ADARB2: variants seen among roughly 807,000 people sequenced by gnomAD.
The protein encoded by ADARB2 is inactive double-stranded RNA-specific editase B2.
In ADARB2, 25 loss-of-function variants were observed where a neutral mutation model predicts 62.2. That is an observed-to-expected ratio of 0.40 (90% CI 0.29 to 0.56). ADARB2 has a LOEUF of 0.56. Among genes scored for constraint, ADARB2 ranks in the 20% least tolerant of loss-of-function variants. The pLI is 0.43. For synonymous variants in ADARB2, 572 were observed against 500.8 expected (o/e 1.14, Z -1.90); for missense variants, 1,071 against 1,077.4 (o/e 0.99, Z 0.08).
At position 1,375,840 on chromosome 10, in the gene ADARB2, G is replaced by A. The variant is rs186430301; in HGVS notation, c.187+3234C>T. The stretch of plus-strand genomic sequence containing the variant: ...ATGCACACACACACGTGCACACACC[G>A]CACACATGCACACACATGCACATGA... On this transcript the variant is annotated intron_variant, in intron 2 of 9. Transcript: ENST00000381312. 8.2e-3 allele frequency among the ~76,000 whole-genome samples: 1,066 copies of A among 129,654 alleles called. 5 individuals carry two copies. The highest frequency in any genetic ancestry group is 0.013 in the Non-Finnish European group (804 of 62,594). The allele number at this position is 129,654 out of a possible 152,430, so 85.1% of individuals were successfully genotyped here.
intron 1 of ADARB2, among the ~76,000 whole-genome samples, chr10:1,545,614 G>A (rs1329403585): frequency 1.3e-5 from 2 of 152,190 alleles, no homozygotes; most frequent in African/African-American, 2.4e-5. Context: ...TCCTCGTGGA[G>A]CTCTGGGAAT....
intron 1 of ADARB2, among the ~76,000 whole-genome samples, chr10:1,549,242 A>G (rs1588298005): frequency 6.6e-6 from 1 of 150,668 alleles, no homozygotes; most frequent in African/African-American, 2.4e-5. Flanking sequence ...TGAAAGGCGG[A>G]GTGGGGTGAG....
At chr10:1,384,161 T>C (rs1832506955) in intron 1 of ADARB2, among the ~76,000 whole-genome samples, 1 of 152,226 alleles carries the variant, frequency 6.6e-6, no homozygotes, top group Admixed American at 6.5e-5. Context: ...AACAAGTTAC[T>C]GGGGTTGGCT....
At chr10:1,581,313 T>C (rs2813387) in intron 1 of ADARB2, among the ~76,000 whole-genome samples, 78,500 of 151,892 alleles carry the variant, frequency 0.52, 20,542 homozygotes, top group East Asian at 0.63. Flanking sequence ...CCTGGAAGCA[T>C]ACACCCAGTT....
chr10:1,550,882 C>T (rs943459822), intron 1 of ADARB2, among the ~76,000 whole-genome samples: 11 of 151,872 alleles, frequency 7.2e-5, no homozygotes, highest in African/African-American at 1.9e-4. Flanking sequence ...CTGTTTGTGC[C>T]GCAACAGGAA....
At chr10:1,210,507 T>G (rs1837136706) in intron 7 of ADARB2, among the ~76,000 whole-genome samples, 1 of 152,204 alleles carries the variant, frequency 6.6e-6, no homozygotes. Flanking sequence ...CACACATACC[T>G]CTGGAGCCCT....
chr10:1,597,419 C>G (rs1014577503), intron 1 of ADARB2, among the ~76,000 whole-genome samples: 9 of 151,804 alleles, frequency 5.9e-5, no homozygotes, highest in African/African-American at 2.2e-4. Flanking sequence ...TCAAACAACT[C>G]AACAGAAAAA....
chr10:1,413,018 T>C (rs1832772049), intron 1 of ADARB2, among the ~76,000 whole-genome samples: 1 of 152,144 alleles, frequency 6.6e-6, no homozygotes, highest in African/African-American at 2.4e-5. Context: ...CCTCGGGCTG[T>C]GGGCTCCATG....
At chr10:1,707,205 C>T (rs928368307) in intron 1 of ADARB2, among the ~76,000 whole-genome samples, 22 of 152,240 alleles carry the variant, frequency 1.4e-4, no homozygotes, top group Admixed American at 1.3e-4. Flanking sequence ...AGCTCAGCAC[C>T]GCGGCCCCGA....
rs543539528 is a variant in ADARB2, at chr10:1,349,922, C to T, written c.1077+13106G>A. On this transcript the variant is annotated intron_variant, in intron 3 of 9. Transcript: ENST00000381312. Reference sequence around the variant, plus strand: ...GTGGGGACGCCTGCCTTGGCTGCTCCCCACAACCAATTCTCCATGCCTCTA... The same window carrying T: ...GTGGGGACGCCTGCCTTGGCTGCTCTCCACAACCAATTCTCCATGCCTCTA... Among the ~76,000 whole-genome samples, 5 of 152,178 alleles carry T rather than the reference C, an allele frequency of 3.3e-5. No homozygotes were observed. In the South Asian group the frequency reaches 1.0e-3, roughly 32 times the overall value.
chr10:1,634,297 G>A (rs1833888382), intron 1 of ADARB2, among the ~76,000 whole-genome samples: 1 of 152,220 alleles, frequency 6.6e-6, no homozygotes, highest in Non-Finnish European at 1.5e-5. Flanking sequence ...CACAGACACA[G>A]CACACAGAGG....
In ADARB2 at chr10:1,603,773, C is replaced by G. The variant is rs141685657; in HGVS notation, c.100+133278G>C. On this transcript the variant is annotated intron_variant, in intron 1 of 9. Transcript: ENST00000381312. ...ATTTGATAATTTGCTTAGGCACAAA[C>G]TGTAGTATTAATATACAGTCATATA... Among the ~76,000 whole-genome samples, 10 of 151,138 alleles carry G rather than the reference C, an allele frequency of 6.6e-5. No individual in the cohort carries two copies. The East Asian group carries it at 1.9e-3, about 29-fold the overall frequency.
At chr10:1,450,515 C>G (rs1823161671) in intron 1 of ADARB2, among the ~76,000 whole-genome samples, 1 of 152,218 alleles carries the variant, frequency 6.6e-6, no homozygotes, top group African/African-American at 2.4e-5. Flanking sequence ...CTCCCTCGCC[C>G]CCTTGGATCT....
At chr10:1,210,581 C>T (rs907366025) in intron 7 of ADARB2, among the ~76,000 whole-genome samples, 28 of 152,378 alleles carry the variant, frequency 1.8e-4, no homozygotes, top group African/African-American at 3.8e-4. Flanking sequence ...CTGCGTGGCA[C>T]GTCAGAAGCC....
At position 1,566,608 on chromosome 10, in the gene ADARB2, G is replaced by C. The variant is rs79504477; in HGVS notation, c.100+170443C>G. ...CAGTGATGTATATTTTCTAATAGCA[G>C]ATGGCAGATTCAATGAGAGAAATTG... On this transcript the variant is annotated intron_variant, in intron 1 of 9. Transcript: ENST00000381312. Among the ~76,000 whole-genome samples, 1,000 of 152,112 alleles carry C rather than the reference G, an allele frequency of 6.6e-3. 16 individuals are homozygous for C. Among genetic ancestry groups the C allele is most frequent in the African/African-American group, 0.023 (949 of 41,364 alleles).
chr10:1,547,053 C>T (rs762518217), intron 1 of ADARB2, among the ~76,000 whole-genome samples: 40 of 152,188 alleles, frequency 2.6e-4, no homozygotes, highest in Non-Finnish European at 5.1e-4. Flanking sequence ...GAGCGGGACG[C>T]GGGTGGGAGG....
At chr10:1,445,348 C>A (rs149193539) in intron 1 of ADARB2, among the ~76,000 whole-genome samples, 9 of 151,534 alleles carry the variant, frequency 5.9e-5, no homozygotes, top group African/African-American at 2.2e-4. Flanking sequence ...TTATTCATCC[C>A]TCTACATCAA....
intron 1 of ADARB2, among the ~76,000 whole-genome samples, chr10:1,516,189 C>G (rs1257867301): frequency 1.3e-5 from 2 of 152,154 alleles, no homozygotes; most frequent in African/African-American, 4.8e-5. Flanking sequence ...TGCGGGCTGA[C>G]CTTCCTTCCT....
chr10:1,225,254 T>C (rs1830734642), intron 6 of ADARB2, among the ~76,000 whole-genome samples: 1 of 152,196 alleles, frequency 6.6e-6, no homozygotes, highest in South Asian at 2.1e-4. Context: ...CCTTTTTTTG[T>C]TTTCCATTTG....
Sources: gnomAD v4.1 joint callset for allele counts (sites outside exome capture counted in the v4.1 genomes callset) on GRCh38, gnomAD v4.1.1 for gene constraint, MANE v1.5 for transcripts, NCBI Gene and HGNC (gene_info 2026-07-23, HGNC 2026-07-21) for gene names.